CKAP4: variants seen among roughly 807,000 people sequenced by gnomAD.
The protein encoded by CKAP4 is cytoskeleton associated protein 4, also known as cytoskeleton-associated protein 4.
In CKAP4, 20 loss-of-function variants were observed where a neutral mutation model predicts 24.4. That is an observed-to-expected ratio of 0.82 (90% CI 0.58 to 1.19). The LOEUF (loss-of-function observed/expected upper bound fraction) is 1.19, where lower values mean the gene tolerates loss of function less well. Among genes scored for constraint, CKAP4 ranks in the 50% most tolerant of loss-of-function variants. The pLI is 0.00. For synonymous variants in CKAP4, 378 were observed against 351.7 expected, an observed-to-expected ratio of 1.07 and a Z score of -0.84; for missense variants, 744 against 765.3, an observed-to-expected ratio of 0.97 and a Z score of 0.33.
At chr12:106,246,891 C>G (rs896098142) in intron 1 of CKAP4, 1 of 154,988 alleles carries the variant, frequency 6.5e-6, no homozygotes, top group Non-Finnish European at 1.4e-5. Context: ...CTATTAAAAA[C>G]CCCGCTCGGA....
Position 106,237,992 on chromosome 12 carries a change from G to GTTTTTTTTTTTTTTTTTTTTTAA in CKAP4, c.*1031_*1032insTTAAAAAAAAAAAAAAAAAAAAA. On this transcript the variant is annotated 3_prime_UTR_variant, in exon 2 of 2. Transcript: ENST00000378026. ...TTTTTTTTTTTTTTTTACTTTTCGGGTTTTTTTTTTTTTTTTTTTTTCAAT... is the reference window on the plus strand; with the variant it reads ...TTTTTTTTTTTTTTTTACTTTTCGGGTTTTTTTTTTTTTTTTTTTTTAATTTTTTTTTTTTTTTTTTTTTCAAT... 1 of 70,514 alleles carries GTTTTTTTTTTTTTTTTTTTTTAA rather than the reference G, an allele frequency of 1.4e-5. No homozygotes were observed. Among genetic ancestry groups the GTTTTTTTTTTTTTTTTTTTTTAA allele is most frequent in the Non-Finnish European group, 2.4e-5 (1 of 41,608 alleles). 4.4% of individuals were successfully genotyped at this position (70,514 alleles called of 1,614,324 possible).
chr12:106,242,118 G>A (rs1262807658), intron 1 of CKAP4, among the ~76,000 whole-genome samples: 2 of 152,192 alleles, frequency 1.3e-5, no homozygotes, highest in African/African-American at 4.8e-5. Context: ...TGATCTTGGG[G>A]AAGTTATTTA....
rs71442016 is a variant in CKAP4 at position 106,238,662 on chromosome 12, CTTTTT to C, written c.*357_*361del. The C allele has an allele frequency of 3.2e-4, 50 of 158,660 alleles. No homozygotes were observed. Among genetic ancestry groups the C allele is most frequent in the African/African-American group, 1.2e-3 (48 of 39,698 alleles). The allele number at this position is 158,660 out of a possible 1,614,324, so 9.8% of individuals were successfully genotyped here. On this transcript the variant is annotated 3_prime_UTR_variant, in exon 2 of 2. Coordinates refer to ENST00000378026, the MANE Select transcript of CKAP4 (RefSeq NM_006825.4). Reference sequence around the variant, plus strand: ...AAAGAAAAGGGTCCCCCCAACCCACCTTTTTTTTTTTTTTACTTGAAATCTGCCAG... The same window carrying C: ...AAAGAAAAGGGTCCCCCCAACCCACCTTTTTTTTTACTTGAAATCTGCCAG...
intron 1 of CKAP4, among the ~76,000 whole-genome samples, chr12:106,241,930 C>T (rs1243040576): frequency 1.3e-5 from 2 of 150,930 alleles, no homozygotes; most frequent in East Asian, 1.9e-4. Context: ...GGAAGAGTGC[C>T]GATGGAATGA....
Position 106,239,438 on chromosome 12 carries a change from C to T in CKAP4, c.1395G>A (p.Gln465=). ...LEGLGSSEAD[Q]DGLASTVRSL... is the part of the protein sequence containing the mutation. ...TCCTCACCGTGCTGGCCAGGCCATC[C>T]TGGTCTGCCTCTGAGGACCCGAGGC... Residue 465 remains glutamine (Q), a synonymous_variant, in exon 2 of 2, where the codon CAG becomes CAA. Coordinates refer to ENST00000378026, the MANE Select transcript of CKAP4 (RefSeq NM_006825.4). The surrounding 1 kb of genome is among the most constrained non-coding windows in gnomAD (Gnocchi z 4.9). 1 of 1,602,284 alleles carries T rather than the reference C, an allele frequency of 6.2e-7. No homozygotes were observed. The highest frequency in any genetic ancestry group is 8.5e-7 in the Non-Finnish European group (1 of 1,179,490).
In CKAP4 at chr12:106,238,962, C is replaced by A. The variant is rs1406196183; in HGVS notation, c.*62G>T. ...GGGGTAGGGGACACATGGGAAAAAA[C>A]CACACATTTTTTGGTCATGAGAAAT... On this transcript the variant is annotated 3_prime_UTR_variant, in exon 2 of 2. Transcript: ENST00000378026. 1.3e-5 allele frequency: 20 copies of A among 1,567,562 alleles called. No individual in the cohort carries two copies. Among genetic ancestry groups the A allele is most frequent in the South Asian group, 8.3e-5 (7 of 84,146 alleles).
chr12:106,240,002 T>C lies in CKAP4; in HGVS notation c.831A>G (p.Glu277=). Reference sequence around the variant, plus strand: ...AATCCTGCTTGTTCCCCTCAGATTCTTCCAGGGAGGCAACCTTTGCCTTCA... The same window carrying C: ...AATCCTGCTTGTTCCCCTCAGATTCCTCCAGGGAGGCAACCTTTGCCTTCA... ...NDMKAKVASL[E]ESEGNKQDLK... The change falls in exon 2 of 2, where the codon GAA becomes GAG. Residue 277 remains glutamate, a synonymous_variant. Transcript: ENST00000378026. 1 of 1,614,166 alleles carries C rather than the reference T, an allele frequency of 6.2e-7. No individual in the cohort carries two copies. Among genetic ancestry groups the C allele is most frequent in the Non-Finnish European group, 8.5e-7 (1 of 1,180,032 alleles).
At position 106,240,256 on chromosome 12, in the gene CKAP4, C is replaced by T; in HGVS notation, c.577G>A (p.Gly193Arg). 1 of 1,614,212 alleles carries T rather than the reference C, an allele frequency of 6.2e-7. No homozygotes were observed. Among genetic ancestry groups the T allele is most frequent in the Non-Finnish European group, 8.5e-7 (1 of 1,180,046 alleles). The change falls in exon 2 of 2, where the codon GGG (glycine) becomes AGG (arginine). Residue 193 changes from glycine to arginine, a missense_variant. Coordinates refer to ENST00000378026, the MANE Select transcript of CKAP4 (RefSeq NM_006825.4). Reference protein sequence around the residue: ...QDLTEKAVKQGESEVSRISEV... With the variant: ...QDLTEKAVKQRESEVSRISEV... The stretch of plus-strand genomic sequence containing the variant: ...CTGATCCGGCTGACCTCACTCTCCC[C>T]TTGCTTCACAGCTTTCTCTGTGAGG...
chr12:106,240,200 A>C lies in CKAP4; in HGVS notation c.633T>G (p.Ile211Met), dbSNP rs2033958358. 6.2e-7 allele frequency: 1 copy of C among 1,613,932 alleles called. No individual in the cohort carries two copies. The highest frequency in any genetic ancestry group is 1.3e-5 in the African/African-American group (1 of 74,886). Residue 211 changes from isoleucine (I) to methionine (M), a missense_variant, in exon 2 of 2, where the codon ATT becomes ATG. Ile to Met is a conservative substitution (Grantham distance 10, BLOSUM62 1). Around this residue, in one of 3 missense-constraint regions of CKAP4, gnomAD observed 43 missense variants for 76.4 expected, o/e 0.56. Transcript: ENST00000378026. ...SEVLQKLQNE[I>M]LKDLSDGIHV... The stretch of plus-strand genomic sequence containing the variant: ...GGATCCCATCCGAGAGGTCTTTGAG[A>C]ATCTCATTCTGGAGTTTCTGCAGCA...
chr12:106,244,848 C>A (rs1051902642), intron 1 of CKAP4, among the ~76,000 whole-genome samples: 1 of 152,054 alleles, frequency 6.6e-6, no homozygotes, highest in African/African-American at 2.4e-5. Context: ...TATTTTAGAG[C>A]CATGAGGATT....
chr12:106,247,703 T>C lies in CKAP4; in HGVS notation c.149A>G (p.His50Arg). The C allele has an allele frequency of 9.8e-7, 1 of 1,020,142 alleles. No individual in the cohort carries two copies. Among genetic ancestry groups the C allele is most frequent in the Non-Finnish European group, 1.2e-6 (1 of 868,726 alleles). The allele number at this position is 1,020,142 out of a possible 1,614,324, so 63.2% of individuals were successfully genotyped here. Residue 50 changes from histidine to arginine, a missense_variant, in exon 1 of 2, where the codon CAC becomes CGC. Around this residue, in one of 3 missense-constraint regions of CKAP4, gnomAD observed 300 missense variants for 264.5 expected, o/e 1.13. Transcript: ENST00000378026. This position sits in a 1 kb window ranked among gnomAD's most constrained non-coding sequence, Gnocchi z 4.5. Reference protein sequence around the residue: ...PQQPPPPPAPHPQQHPQQHPQ... With the variant: ...PQQPPPPPAPRPQQHPQQHPQ... ...GTGCTGCTGCGGGTGCTGCTGCGGG[T>C]GCGGCGCGGGCGGCGGCGGCGGCTG...
At chr12:106,246,210 C>T (rs1447000064) in intron 1 of CKAP4, among the ~76,000 whole-genome samples, 1 of 152,190 alleles carries the variant, frequency 6.6e-6, no homozygotes, top group Non-Finnish European at 1.5e-5. Context: ...AGGGCAGTGG[C>T]CTAGACATTC....
intron 1 of CKAP4, among the ~76,000 whole-genome samples, chr12:106,244,819 G>A (rs2033994458): frequency 6.6e-6 from 1 of 152,138 alleles, no homozygotes; most frequent in Admixed American, 6.5e-5. Context: ...ATAAAAAACA[G>A]AGAAGTCACT....
intron 1 of CKAP4, among the ~76,000 whole-genome samples, chr12:106,243,125 G>C (rs535363220): frequency 2.0e-5 from 3 of 152,170 alleles, no homozygotes; most frequent in African/African-American, 7.2e-5. Context: ...ACCCTAGGGT[G>C]GGGGGACTGG....
At position 106,247,579 on chromosome 12, in the gene CKAP4, GGCGGCA is replaced by G. The variant is rs1285015931; in HGVS notation, c.267_272del (p.Ala93_Ala94del). On this transcript the variant is annotated inframe_deletion, in exon 1 of 2. Transcript: ENST00000378026. The surrounding 1 kb of genome is among the most constrained non-coding windows in gnomAD (Gnocchi z 4.5). ...AGGACGCCGAGGACGAGGCGGCGGCGGCGGCAGCGGCGGCGGAGGCGGAGGAGGAGG... is the reference window on the plus strand; with the variant it reads ...AGGACGCCGAGGACGAGGCGGCGGCGGCGGCGGCGGAGGCGGAGGAGGAGG... 2 of 1,415,498 alleles carry G rather than the reference GGCGGCA, an allele frequency of 1.4e-6. No individual in the cohort carries two copies. The highest frequency in any genetic ancestry group is 1.4e-5 in the South Asian group (1 of 69,386). The allele number at this position is 1,415,498 out of a possible 1,614,324, so 87.7% of individuals were successfully genotyped here.
rs1299583293 is a variant in CKAP4 at position 106,247,658 on chromosome 12, C to G, written c.194G>C (p.Gly65Ala). 1.8e-6 allele frequency: 2 copies of G among 1,102,728 alleles called. No homozygotes were observed. Among genetic ancestry groups the G allele is most frequent in the East Asian group, 1.3e-4 (2 of 15,952 alleles). 68.3% of individuals were successfully genotyped at this position (1,102,728 alleles called of 1,614,324 possible). The change falls in exon 1 of 2, where the codon GGC becomes GCC. Residue 65 changes from glycine (G) to alanine (A), a missense_variant. Coordinates refer to ENST00000378026, the MANE Select transcript of CKAP4 (RefSeq NM_006825.4). The surrounding 1 kb of genome is among the most constrained non-coding windows in gnomAD (Gnocchi z 4.5). ...PQQHPQNQAH[G>A]KGGHRGGGGG... Reference sequence around the variant, plus strand: ...GCCGCCGCCGCGGTGGCCGCCCTTGCCGTGCGCCTGGTTCTGCGGGTGCTG... The same window carrying G: ...GCCGCCGCCGCGGTGGCCGCCCTTGGCGTGCGCCTGGTTCTGCGGGTGCTG...
intron 1 of CKAP4, among the ~76,000 whole-genome samples, chr12:106,244,489 G>A (rs1283573156): frequency 6.6e-6 from 1 of 152,190 alleles, no homozygotes; most frequent in African/African-American, 2.4e-5. Context: ...TAAATTAAAA[G>A]AAAAGTGGTC....
Position 106,247,950 on chromosome 12 carries a change from G to A in CKAP4, c.-99C>T, listed in dbSNP as rs1000541191. 2.2e-5 allele frequency: 16 copies of A among 742,802 alleles called. No homozygotes were observed. Among genetic ancestry groups the A allele is most frequent in the Middle Eastern group, 6.6e-4 (1 of 1,510 alleles). 46.0% of individuals were successfully genotyped at this position (742,802 alleles called of 1,614,324 possible). A position where few individuals can be genotyped will look rare whatever the true frequency, so the allele number is the denominator to read the frequency against. ...GGGGCTCCCCCGGGACTGGGCGAGC[G>A]GCACGCGGGCGCTGCTGGCGTCGGA... On this transcript the variant is annotated 5_prime_UTR_variant, in exon 1 of 2. Coordinates refer to ENST00000378026, the MANE Select transcript of CKAP4 (RefSeq NM_006825.4). This position sits in a 1 kb window ranked among gnomAD's most constrained non-coding sequence, Gnocchi z 4.5.
chr12:106,243,420 T>C lies in CKAP4; in HGVS notation c.484-3071A>G, dbSNP rs1206390080. Among the ~76,000 whole-genome samples the C allele has an allele frequency of 2.0e-5, 3 of 152,140 alleles. No individual in the cohort carries two copies. The East Asian group carries it at 5.8e-4, about 29-fold the overall frequency. ...AGTACCTGGAAGAGAGACTGCCAAC[T>C]CCTGAAGCCCTGACTCCTTAGCCAG... is the stretch of plus-strand genomic sequence containing the variant. On this transcript the variant is annotated intron_variant, in intron 1 of 1. Coordinates refer to ENST00000378026, the MANE Select transcript of CKAP4 (RefSeq NM_006825.4).
Sources: gnomAD v4.1 joint callset for allele counts (sites outside exome capture counted in the v4.1 genomes callset) on GRCh38, gnomAD v4.1.1 for gene constraint, gnomAD v4.1.1 regional missense constraint, Gnocchi (gnomAD v3.1) non-coding constraint, MANE v1.5 for transcripts, NCBI Gene and HGNC (gene_info 2026-07-23, HGNC 2026-07-21) for gene names.